CDHR1: variants seen among roughly 807,000 people sequenced by gnomAD.
CDHR1 encodes cadherin-related family member 1.
A neutral mutation model predicts 72.1 loss-of-function variants in CDHR1; 61 were observed. That is an observed-to-expected ratio of 0.85 (90% CI 0.69 to 1.05). The LOEUF (loss-of-function observed/expected upper bound fraction) is 1.05, where lower values mean the gene tolerates loss of function less well. Ranked by LOEUF, CDHR1 falls within the 50% of genes least tolerant of loss-of-function variation. CDHR1 has a pLI of 0.00. For synonymous variants in CDHR1, 470 were observed against 448.1 expected (o/e 1.05, Z -0.62); for missense variants, 1,186 against 1,115.7 (o/e 1.06, Z -0.90).
chr10:84,218,092 C>G lies in CDHR1; in HGVS notation c.*3471C>G, dbSNP rs149270685. On this transcript the variant is annotated 3_prime_UTR_variant, in exon 17 of 17. Coordinates refer to ENST00000623527, the MANE Select transcript of CDHR1 (RefSeq NM_033100.4). The stretch of plus-strand genomic sequence containing the variant: ...GTTGGCATCTGTTGACAGGCAGTGG[C>G]ACATCCTGACAGTCTTCAAGGCCTT... 1.4e-4 allele frequency: 139 copies of G among 985,454 alleles called. No individual in the cohort carries two copies. In the Middle Eastern group the frequency reaches 1.6e-3, roughly 11 times the overall value. The allele number at this position is 985,454 out of a possible 1,614,324, so 61.0% of individuals were successfully genotyped here.
chr10:84,213,381 T>C, intron 16 of CDHR1, 33 bp downstream of exon 16: 3 of 1,613,610 alleles, frequency 1.9e-6, no homozygotes, highest in East Asian at 2.2e-5. Flanking sequence ...GAAAAAGGGG[T>C]CAGCAGGCCA....
rs761156783 is a variant in CDHR1, at chr10:84,196,518, C to T, written c.165C>T (p.Tyr55=). The change falls in exon 3 of 17, where the codon TAC becomes TAT. Residue 55 remains tyrosine, a synonymous_variant. Transcript: ENST00000623527. The part of the protein sequence containing the change: ...PEDTPVGSHV[Y]TLNGTDPEGD... ...GTTTCCTTCCAGGCTCTCACGTATACACCCTGAATGGGACAGACCCTGAGG... is the reference window on the plus strand; with the variant it reads ...GTTTCCTTCCAGGCTCTCACGTATATACCCTGAATGGGACAGACCCTGAGG... 3.1e-6 allele frequency: 5 copies of T among 1,614,104 alleles called. No homozygotes were observed. The highest frequency in any genetic ancestry group is 2.7e-5 in the African/African-American group (2 of 74,944).
chr10:84,198,922 GA>G, intron 4 of CDHR1, 109 bp from the exon 5 acceptor site: 3 of 809,768 alleles, frequency 3.7e-6, no homozygotes, highest in Admixed American at 2.0e-5. Flanking sequence ...GAGAGAGAGA[GA>G]GAGGAGGGAT....
At chr10:84,199,296 T>C (rs1842082260) in intron 5 of CDHR1, among the ~76,000 whole-genome samples, 175 bp downstream of exon 5, 1 of 152,242 alleles carries the variant, frequency 6.6e-6, no homozygotes, top group Non-Finnish European at 1.5e-5. Context: ...CTTTTTTCCA[T>C]TATACATGTT....
chr10:84,208,739 C>G lies in CDHR1; in HGVS notation c.1178C>G (p.Ala393Gly), dbSNP rs376238935. The G allele has an allele frequency of 3.7e-6, 6 of 1,614,058 alleles. No homozygotes were observed. In the African/African-American group the frequency reaches 6.7e-5, roughly 18 times the overall value. The change falls in exon 12 of 17, where the codon GCC becomes GGC. Residue 393 changes from alanine (A) to glycine (G), a missense_variant. Coordinates refer to ENST00000623527, the MANE Select transcript of CDHR1 (RefSeq NM_033100.4). Reference protein sequence around the residue: ...TVNDSDQGANAKFNLQLVGPR... With the variant: ...TVNDSDQGANGKFNLQLVGPR... Reference sequence around the variant, plus strand: ...CTCCAAATTCTCTAGGGAGCCAATGCCAAATTCAACTTGCAGCTGGTGGGA... The same window carrying G: ...CTCCAAATTCTCTAGGGAGCCAATGGCAAATTCAACTTGCAGCTGGTGGGA...
intron 2 of CDHR1, 79 bp downstream of exon 2, chr10:84,195,668 A>G (rs1189451055): frequency 2.3e-6 from 3 of 1,278,446 alleles, no homozygotes; most frequent in African/African-American, 1.5e-5. Flanking sequence ...TGCCCCAGGC[A>G]CCACCCAAGT....
rs548881407 is a variant in CDHR1 at position 84,204,400 on chromosome 10, C to T, written c.784-127C>T. On this transcript the variant is annotated intron_variant, in intron 8 of 16. Coordinates refer to ENST00000623527, the MANE Select transcript of CDHR1 (RefSeq NM_033100.4). ...AGAGGAGAGTAGGGCCATGCTCCAC[C>T]GCCACGTAGAGGCCTGACCCTTTCC... The T allele has an allele frequency of 4.1e-5, 30 of 731,158 alleles. 1 individual carries two copies. The highest frequency in any genetic ancestry group is 3.1e-4 in the Middle Eastern group (1 of 3,268). The allele number at this position is 731,158 out of a possible 1,614,324, so 45.3% of individuals were successfully genotyped here.
At chr10:84,195,940 T>C (rs1842022510) in intron 2 of CDHR1, among the ~76,000 whole-genome samples, 1 of 152,166 alleles carries the variant, frequency 6.6e-6, no homozygotes, top group South Asian at 2.1e-4. Context: ...CTTGCTGAGA[T>C]ATGCAGAGAG....
At chr10:84,219,127 AAGTC>A, downstream of CDHR1, 1 of 1,462,566 alleles carries the variant, frequency 6.8e-7, no homozygotes, top group African/African-American at 1.4e-5. Context: ...TGGTACAACA[AAGTC>A]AGTAAGAAAA....
chr10:84,206,014 G>T, intron 10 of CDHR1, 87 bp downstream of exon 10: 1 of 983,810 alleles, frequency 1.0e-6, no homozygotes, highest in Non-Finnish European at 1.6e-6. Context: ...TTTTTCCTGG[G>T]GCCCATAGTC....
chr10:84,204,556 G>A lies in CDHR1; in HGVS notation c.813G>A (p.Met271Ile), dbSNP rs1842190251. The A allele has an allele frequency of 2.5e-6, 4 of 1,613,620 alleles. No homozygotes were observed. Among genetic ancestry groups the A allele is most frequent in the Non-Finnish European group, 3.4e-6 (4 of 1,179,530 alleles). The change falls in exon 9 of 17, where the codon ATG becomes ATA. Residue 271 changes from methionine to isoleucine, a missense_variant. Coordinates refer to ENST00000623527, the MANE Select transcript of CDHR1 (RefSeq NM_033100.4). ...PGSEVLKVVA[M>I]DGDRGKPNRI... ...CGGAGGTACTGAAGGTGGTCGCCAT[G>A]GATGGAGACCGGGGCAAACCCAATC...
chr10:84,201,976 C>A (rs1350050619), intron 7 of CDHR1, 56 bp downstream of exon 7: 2 of 1,364,532 alleles, frequency 1.5e-6, no homozygotes, highest in Non-Finnish European at 1.0e-6. Flanking sequence ...GGGTTGGAAC[C>A]AAGTTAGGTT....
intron 9 of CDHR1, among the ~76,000 whole-genome samples, chr10:84,205,563 T>C (rs1233992046): frequency 2.7e-5 from 4 of 147,620 alleles, no homozygotes; most frequent in East Asian, 2.0e-4. Context: ...CATGCACATA[T>C]AGTATTATGC....
In CDHR1 at chr10:84,213,352, A is replaced by G. The variant is rs878888723; in HGVS notation, c.2040+4A>G. ...GATTGACATCACAGATGCTGAGGTGAGTACAAAGCCATGGTCAGGAAAAAG... is the reference window on the plus strand; with the variant it reads ...GATTGACATCACAGATGCTGAGGTGGGTACAAAGCCATGGTCAGGAAAAAG... On this transcript the variant is annotated splice_donor_region_variant and intron_variant, in intron 16 of 16. Transcript: ENST00000623527. The G allele has an allele frequency of 4.3e-6, 7 of 1,614,164 alleles. No homozygotes were observed. Among genetic ancestry groups the G allele is most frequent in the Non-Finnish European group, 5.9e-6 (7 of 1,180,038 alleles).
chr10:84,212,352 T>C lies in CDHR1; in HGVS notation c.1727T>C (p.Phe576Ser). 6.2e-7 allele frequency: 1 copy of C among 1,614,138 alleles called. No individual in the cohort carries two copies. The highest frequency in any genetic ancestry group is 1.1e-5 in the South Asian group (1 of 91,082). ...LLDVNDHPPQ[F>S]GKSVQKKTMV... ...GATGTCAATGACCACCCCCCTCAGT[T>C]TGGAAAGAGCGTTCAGAAGAAGACG... is the stretch of plus-strand genomic sequence containing the variant. Residue 576 changes from phenylalanine to serine, a missense_variant, in exon 15 of 17, where the codon TTT becomes TCT. Transcript: ENST00000623527.
In CDHR1 at chr10:84,217,744, C is replaced by G. The variant is rs1037698578; in HGVS notation, c.*3123C>G. 2.0e-6 allele frequency: 2 copies of G among 985,328 alleles called. No homozygotes were observed. The highest frequency in any genetic ancestry group is 2.4e-6 in the Non-Finnish European group (2 of 829,968). The allele number at this position is 985,328 out of a possible 1,614,324, so 61.0% of individuals were successfully genotyped here. A position where few individuals can be genotyped will look rare whatever the true frequency, so the allele number is the denominator to read the frequency against. ...TTCCACCCACCTGTAGGTCCAGAAG[C>G]TTTTACTTCATGCTAGAAAAAGAGA... On this transcript the variant is annotated 3_prime_UTR_variant, in exon 17 of 17. Transcript: ENST00000623527.
At position 84,214,468 on chromosome 10, in the gene CDHR1, GA is replaced by G; in HGVS notation, c.2428del (p.Thr810ProfsTer31). The G allele has an allele frequency of 6.2e-7, 1 of 1,610,806 alleles. No homozygotes were observed. Among genetic ancestry groups the G allele is most frequent in the South Asian group, 1.1e-5 (1 of 91,072 alleles). On this transcript the variant is annotated frameshift_variant, in exon 17 of 17. Coordinates refer to ENST00000623527, the MANE Select transcript of CDHR1 (RefSeq NM_033100.4). LOFTEE classifies it low-confidence loss of function (END_TRUNC). Reference protein sequence around the residue: ...VAPSTGAAQWTVPTVSGSLTP... With the variant: ...VAPSTGAAQWXVPTVSGSLTP... The stretch of plus-strand genomic sequence containing the variant: ...CGCCCAGCACTGGCGCAGCCCAGTG[GA>G]CCGTGCCTACTGTCTCTGGCTCTCT...
intron 15 of CDHR1, 129 bp from the exon 16 acceptor site, chr10:84,212,962 A>G: frequency 8.2e-7 from 1 of 1,219,954 alleles, no homozygotes; most frequent in Non-Finnish European, 1.2e-6. Flanking sequence ...TTCCCAACTC[A>G]ATCCTCTCAA....
rs117325334 is a variant in CDHR1, at chr10:84,195,713, C to T, written c.151+124C>T. On this transcript the variant is annotated intron_variant, in intron 2 of 16. Transcript: ENST00000623527. The stretch of plus-strand genomic sequence containing the variant: ...CGCCCGGGGGCTCCTTGTTTGCTCT[C>T]CGAATTCCCCTGGGCAATGGCAGGA... The T allele has an allele frequency of 8.0e-4, 632 of 791,896 alleles. 2 individuals are homozygous for T. The East Asian group carries it at 0.013, about 17-fold the overall frequency. The allele number at this position is 791,896 out of a possible 1,614,324, so 49.1% of individuals were successfully genotyped here.
Sources: allele counts gnomAD v4.1 joint callset (sites outside exome capture counted in the v4.1 genomes callset), GRCh38; gene constraint gnomAD v4.1.1; transcripts MANE v1.5; gene names NCBI Gene and HGNC (gene_info 2026-07-23, HGNC 2026-07-21).